ATG7: variants seen among roughly 807,000 people sequenced by gnomAD.
ATG7 encodes ubiquitin-like modifier-activating enzyme ATG7.
In ATG7, 70 loss-of-function variants were observed where a neutral mutation model predicts 82.4. The ratio of observed to expected loss-of-function variants is 0.85; its 90% CI spans 0.70 to 1.04. ATG7 has a LOEUF of 1.04. Among genes scored for constraint, ATG7 ranks in the 50% least tolerant of loss-of-function variants. ATG7 has a pLI of 0.00. For synonymous variants in ATG7, 287 were observed against 313.0 expected (o/e 0.92, Z 0.88); for missense variants, 792 against 864.3 (o/e 0.92, Z 1.05).
chr3:11,398,063 G>A (rs2079473905), intron 19 of ATG7, among the ~76,000 whole-genome samples: 1 of 148,528 alleles, frequency 6.7e-6, no homozygotes, highest in Non-Finnish European at 1.5e-5. Context: ...CAGCCTGGGG[G>A]ACAGAGCAAG....
intron 20 of ATG7, among the ~76,000 whole-genome samples, chr3:11,496,417 T>C (rs1327521755): frequency 1.3e-5 from 2 of 152,132 alleles, no homozygotes; most frequent in African/African-American, 2.4e-5. Context: ...CTCCCTCCCT[T>C]CCTTTCTACT....
intron 19 of ATG7, among the ~76,000 whole-genome samples, chr3:11,406,362 G>T (rs2080335932): frequency 6.6e-6 from 1 of 151,972 alleles, no homozygotes; most frequent in Non-Finnish European, 1.5e-5. Flanking sequence ...GGAGGGCAGT[G>T]GTGCAGTCAT....
chr3:11,314,188 A>G (rs1045960213), intron 8 of ATG7, among the ~76,000 whole-genome samples: 1 of 152,216 alleles, frequency 6.6e-6, no homozygotes, highest in Non-Finnish European at 1.5e-5. Flanking sequence ...GGGATAGATA[A>G]TAAGTTCATT....
intron 19 of ATG7, among the ~76,000 whole-genome samples, chr3:11,386,462 T>C (rs1475341401): frequency 3.3e-5 from 5 of 152,186 alleles, no homozygotes; most frequent in Non-Finnish European, 1.5e-5. Context: ...TATGGTACTA[T>C]ATTGAGGATA....
chr3:11,475,878 C>CACACACACAT (rs2088122651), intron 20 of ATG7, among the ~76,000 whole-genome samples: 1 of 146,848 alleles, frequency 6.8e-6, no homozygotes, highest in Non-Finnish European at 1.5e-5. Flanking sequence ...GACACACACA[C>CACACACACAT]ACACACACAC....
chr3:11,273,428 CCTT>C (rs1490383326), intron 1 of ATG7, among the ~76,000 whole-genome samples: 2 of 152,208 alleles, frequency 1.3e-5, no homozygotes, highest in Non-Finnish European at 2.9e-5. Context: ...CACTGTTCCT[CCTT>C]CAGGCTCTTG....
At chr3:11,410,697 G>A (rs1314606171) in intron 19 of ATG7, among the ~76,000 whole-genome samples, 1 of 152,108 alleles carries the variant, frequency 6.6e-6, no homozygotes, top group Admixed American at 6.5e-5. Context: ...TTAGTATAAT[G>A]CTCTCAAAGT....
Position 11,329,223 on chromosome 3 carries a change from A to C in ATG7, c.679-2117A>C, listed in dbSNP as rs181796207. ...ATGGGCAGTTATACACCAAGATGTT[A>C]ATAGTTCTCTCAGGATGGTGGGGTT... On this transcript the variant is annotated intron_variant, in intron 9 of 20. Coordinates refer to ENST00000693202, the MANE Select transcript of ATG7 (RefSeq NM_001349232.2). Among the ~76,000 whole-genome samples, 821 of 152,354 alleles carry C rather than the reference A, an allele frequency of 5.4e-3. 6 individuals are homozygous for C. Among genetic ancestry groups the C allele is most frequent in the African/African-American group, 0.019 (794 of 41,584 alleles).
intron 20 of ATG7, among the ~76,000 whole-genome samples, chr3:11,502,784 AAGTATGGGGCTTAAATAGGAG>A (rs1392955655): frequency 1.3e-5 from 2 of 152,134 alleles, no homozygotes; most frequent in Non-Finnish European, 2.9e-5. Context: ...TGAAAGTGTG[AAGTATGGGGCTTAAATAGGAG>A]AGTTGGTTGA....
chr3:11,315,315 G>A, intron 8 of ATG7, 29 bp from the exon 9 acceptor site: 1 of 1,500,148 alleles, frequency 6.7e-7, no homozygotes, highest in South Asian at 1.3e-5. Context: ...TAATTTTCTA[G>A]AGAATAACAA....
chr3:11,466,612 A>G (rs1165636488), intron 20 of ATG7, among the ~76,000 whole-genome samples: 2 of 152,236 alleles, frequency 1.3e-5, no homozygotes, highest in African/African-American at 4.8e-5. Context: ...TCCATTATTT[A>G]CAACAGGTTT....
chr3:11,358,775 C>T (rs2606736), intron 15 of ATG7, among the ~76,000 whole-genome samples, 163 bp downstream of exon 15: 82,320 of 152,060 alleles, frequency 0.54, 22,950 homozygotes, highest in East Asian at 0.67. Flanking sequence ...GCCTCGCACA[C>T]CATCACCCAA....
chr3:11,316,168 G>T (rs1949381881), intron 9 of ATG7, among the ~76,000 whole-genome samples: 1 of 152,032 alleles, frequency 6.6e-6, no homozygotes, highest in South Asian at 2.1e-4. Context: ...TTGTTTCCAT[G>T]TTGTGCAACA....
intron 19 of ATG7, among the ~76,000 whole-genome samples, chr3:11,402,192 G>A (rs1277859759): frequency 1.3e-5 from 2 of 152,186 alleles, no homozygotes; most frequent in African/African-American, 4.8e-5. Context: ...CAGCATTTGG[G>A]AGGCCAAGGC....
intron 20 of ATG7, among the ~76,000 whole-genome samples, chr3:11,507,713 G>A (rs2091815114): frequency 6.6e-6 from 1 of 152,150 alleles, no homozygotes; most frequent in South Asian, 2.1e-4. Flanking sequence ...TTGAGGGTCT[G>A]AGGACCCCAG....
chr3:11,348,416 C>T (rs1170190514), intron 14 of ATG7: 3 of 182,880 alleles, frequency 1.6e-5, no homozygotes, highest in East Asian at 1.6e-4. Flanking sequence ...GGGTTCCTTC[C>T]GGTGGGTTCT....
chr3:11,356,525 C>T (rs986638214), intron 14 of ATG7, among the ~76,000 whole-genome samples: 7 of 152,134 alleles, frequency 4.6e-5, no homozygotes, highest in Non-Finnish European at 8.8e-5. Context: ...CTAACGTTAG[C>T]TTACTGGCTG....
chr3:11,549,264 A>G (rs1465732863), intron 20 of ATG7, among the ~76,000 whole-genome samples: 1 of 152,206 alleles, frequency 6.6e-6, no homozygotes, highest in African/African-American at 2.4e-5. Context: ...AAAACTGTAT[A>G]TATTCAAAGT....
chr3:11,567,691 G>A, the ATG7 span, among the ~76,000 whole-genome samples: 28 of 152,190 alleles, frequency 1.8e-4, no homozygotes, highest in African/African-American at 6.8e-4. Context: ...GACCTTCCGC[G>A]GAACGGACGT....
Sources: gnomAD v4.1 joint callset for allele counts (sites outside exome capture counted in the v4.1 genomes callset) on GRCh38, gnomAD v4.1.1 for gene constraint, MANE v1.5 for transcripts, NCBI Gene and HGNC (gene_info 2026-07-23, HGNC 2026-07-21) for gene names.